NCAPG: variants seen among roughly 807,000 people sequenced by gnomAD.
The protein encoded by NCAPG is non-SMC condensin I complex subunit G.
Under a neutral mutation model 113.1 loss-of-function variants are expected in NCAPG, and 69 were observed. The observed-to-expected ratio is 0.61, with a 90% confidence interval of 0.50 to 0.75. NCAPG has a LOEUF of 0.75. NCAPG is among the 30% of genes least tolerant of loss of function. The pLI is 0.00. For missense variants in NCAPG, 1,058 were observed against 1,177.0 expected (o/e 0.90, Z 1.48); for synonymous variants, 370 against 415.8 (o/e 0.89, Z 1.34).
At chr4:17,837,911 C>A in intron 16 of NCAPG, 110 bp downstream of exon 16, 4 of 1,108,088 alleles carry the variant, frequency 3.6e-6, no homozygotes, top group Non-Finnish European at 2.7e-6. Flanking sequence ...ACTTCTGTCT[C>A]AAGCATATAC....
rs756306789 is a variant in NCAPG at position 17,831,003 on chromosome 4, C to T, written c.1771C>T (p.Pro591Ser). Residue 591 changes from proline (P) to serine (S), a missense_variant, in exon 13 of 21, where the codon CCT becomes TCT. Coordinates refer to ENST00000251496, the MANE Select transcript of NCAPG (RefSeq NM_022346.5). ...AATTTCTGATTCATTTTAGATTCTT[C>T]CTGGAATAATAAGTATTCATCCTGT... ...MNGIIESLIL[P>S]GIISIHPVVR... 6.2e-7 allele frequency: 1 copy of T among 1,610,742 alleles called. No individual in the cohort carries two copies. Among genetic ancestry groups the T allele is most frequent in the Non-Finnish European group, 8.5e-7 (1 of 1,178,302 alleles).
chr4:17,828,176 A>G (rs1410728899), intron 11 of NCAPG, 102 bp from the exon 12 acceptor site: 3 of 658,180 alleles, frequency 4.6e-6, no homozygotes, highest in South Asian at 4.1e-5. Flanking sequence ...TACAGAGTCT[A>G]TATAGAGTGA....
intron 6 of NCAPG, 144 bp downstream of exon 6, chr4:17,817,597 T>A: frequency 1.5e-6 from 1 of 686,198 alleles, no homozygotes. Flanking sequence ...ATGAATATCC[T>A]TTTATCCTTC....
intron 14 of NCAPG, among the ~76,000 whole-genome samples, chr4:17,836,579 G>A (rs1722105133): frequency 6.6e-6 from 1 of 152,048 alleles, no homozygotes; most frequent in Non-Finnish European, 1.5e-5. Flanking sequence ...TTATATTTAG[G>A]CTGTTGATGC....
In NCAPG at chr4:17,843,847, C is replaced by T. The variant is rs59037741; in HGVS notation, c.*422C>T. ...AGGACACATTTAACAAGTAACATTT[C>T]TAGGGAAAATGAAGGAAGTACCACA... On this transcript the variant is annotated 3_prime_UTR_variant, in exon 21 of 21. Transcript: ENST00000251496. 0.018 allele frequency: 2,769 copies of T among 153,360 alleles called. 74 individuals are homozygous for T. Among genetic ancestry groups the T allele is most frequent in the East Asian group, 0.13 (658 of 5,198 alleles). 9.5% of individuals were successfully genotyped at this position (153,360 alleles called of 1,614,324 possible). A position where few individuals can be genotyped will look rare whatever the true frequency, so the allele number is the denominator to read the frequency against.
intron 14 of NCAPG, among the ~76,000 whole-genome samples, chr4:17,836,204 T>G (rs188151114): frequency 6.6e-6 from 1 of 152,342 alleles, no homozygotes; most frequent in Admixed American, 6.5e-5. Context: ...TGCATTTCCT[T>G]AATGACTAGT....
Position 17,837,645 on chromosome 4 carries a change from TGAA to T in NCAPG, c.2315_2317del (p.Glu772del), listed in dbSNP as rs1285414900. 3.7e-6 allele frequency: 6 copies of T among 1,613,730 alleles called. No homozygotes were observed. The highest frequency in any genetic ancestry group is 5.1e-6 in the Non-Finnish European group (6 of 1,179,862). ...TCAATAGGACTAATCAGGAATGCTT[TGAA>T]GAAGCTTTTCTTCCAACCCTGCAAA... On this transcript the variant is annotated inframe_deletion, in exon 16 of 21. Transcript: ENST00000251496.
At chr4:17,836,439 A>G (rs1722095251) in intron 14 of NCAPG, among the ~76,000 whole-genome samples, 2 of 152,116 alleles carry the variant, frequency 1.3e-5, no homozygotes, top group South Asian at 4.1e-4. Flanking sequence ...AACATTTTTA[A>G]TTTTGGAGAT....
chr4:17,826,336 G>A (rs1189927726), intron 11 of NCAPG, among the ~76,000 whole-genome samples: 1 of 152,028 alleles, frequency 6.6e-6, no homozygotes, highest in Non-Finnish European at 1.5e-5. Flanking sequence ...CTCATAAAAA[G>A]AATGCTAAAT....
chr4:17,820,319 C>T (rs942842127), intron 7 of NCAPG, among the ~76,000 whole-genome samples: 15 of 151,794 alleles, frequency 9.9e-5, no homozygotes, highest in African/African-American at 3.4e-4. Context: ...GGAAAATTTT[C>T]GGCTGGGTGC....
Position 17,823,134 on chromosome 4 carries a change from A to G in NCAPG, c.1259+11A>G, listed in dbSNP as rs1269461265. On this transcript the variant is annotated intron_variant, in intron 8 of 20. Coordinates refer to ENST00000251496, the MANE Select transcript of NCAPG (RefSeq NM_022346.5). The stretch of plus-strand genomic sequence containing the variant: ...TGAAGAAGGAGGAAGGTATGTCTAA[A>G]TGTTAACACTCATTCTAATTTGCCC... 1 of 1,600,208 alleles carries G rather than the reference A, an allele frequency of 6.2e-7. No individual in the cohort carries two copies. The highest frequency in any genetic ancestry group is 8.5e-7 in the Non-Finnish European group (1 of 1,174,260).
Position 17,817,921 on chromosome 4 carries a change from T to G in NCAPG, c.969-18T>G. 1 of 1,581,760 alleles carries G rather than the reference T, an allele frequency of 6.3e-7. No individual in the cohort carries two copies. ...AAAAAGATCATGCTTTCTCTCACAC[T>G]CTTTCTTTTAAATGAAGGAAATTGA... On this transcript the variant is annotated intron_variant, in intron 6 of 20. Transcript: ENST00000251496.
In NCAPG at chr4:17,831,089, A is replaced by G; in HGVS notation, c.1857A>G (p.Ala619=). The change falls in exon 13 of 21, where the codon GCA becomes GCG. Residue 619 remains alanine (A), a synonymous_variant. Transcript: ENST00000251496. ...GCCGLQNQDF[A]RKHFVLLLQV... ...GTGGACTACAGAATCAGGATTTTGC[A>G]AGGAAACACTTCGTATTACTATTGC... The G allele has an allele frequency of 6.2e-7, 1 of 1,613,662 alleles. No homozygotes were observed. Among genetic ancestry groups the G allele is most frequent in the Non-Finnish European group, 8.5e-7 (1 of 1,179,836 alleles).
In NCAPG at chr4:17,831,114, C is replaced by A. The variant is rs757781219; in HGVS notation, c.1882C>A (p.Gln628Lys). 4 of 1,612,244 alleles carry A rather than the reference C, an allele frequency of 2.5e-6. 1 individual carries two copies. In the South Asian group the frequency reaches 3.3e-5, roughly 13 times the overall value. The change falls in exon 13 of 21, where the codon CAG (glutamine) becomes AAG (lysine). Residue 628 changes from glutamine to lysine, a missense_variant and splice_region_variant. Coordinates refer to ENST00000251496, the MANE Select transcript of NCAPG (RefSeq NM_022346.5). ...AAGGAAACACTTCGTATTACTATTG[C>A]AGGTAGGATTTATCTTGTGATAAAT... ...FARKHFVLLL[Q>K]VLQIDDVTIK...
At chr4:17,818,628 G>C (rs1194058974) in intron 7 of NCAPG, among the ~76,000 whole-genome samples, 1 of 152,292 alleles carries the variant, frequency 6.6e-6, no homozygotes, top group Non-Finnish European at 1.5e-5. Context: ...TAGCTTGCAA[G>C]CTATATAACA....
chr4:17,824,620 G>A (rs1420608069), intron 9 of NCAPG, among the ~76,000 whole-genome samples: 1 of 152,110 alleles, frequency 6.6e-6, no homozygotes, highest in Non-Finnish European at 1.5e-5. Context: ...CTACAGAGCT[G>A]AACAAGAGAA....
intron 12 of NCAPG, among the ~76,000 whole-genome samples, chr4:17,829,649 G>A (rs1342489022): frequency 2.6e-5 from 4 of 152,116 alleles, no homozygotes; most frequent in African/African-American, 9.7e-5. Flanking sequence ...GATTAGTAGA[G>A]GAATATAAAA....
chr4:17,825,372 C>T lies in NCAPG; in HGVS notation c.1474-10C>T, dbSNP rs377555716. ...TGTTCAGTGTTGAAACAATTTATAT[C>T]TTCCCTTAGATGGCTGAAATAAAAG... On this transcript the variant is annotated splice_polypyrimidine_tract_variant and intron_variant, in intron 10 of 20. Transcript: ENST00000251496. 59 of 1,572,916 alleles carry T rather than the reference C, an allele frequency of 3.8e-5. 1 individual carries two copies. Among genetic ancestry groups the T allele is most frequent in the Admixed American group, 8.4e-5 (4 of 47,538 alleles).
In NCAPG at chr4:17,812,448, G is replaced by C. The variant is rs534833525; in HGVS notation, c.315+24G>C. ...AGGTACTATGAAAATGATAGCTTTG[G>C]GGAGGGATTTTAGAAAATTTTGCCA... On this transcript the variant is annotated intron_variant, in intron 2 of 20. Coordinates refer to ENST00000251496, the MANE Select transcript of NCAPG (RefSeq NM_022346.5). The C allele has an allele frequency of 3.8e-6, 6 of 1,594,748 alleles. No homozygotes were observed. The Admixed American group carries it at 5.2e-5, about 14-fold the overall frequency.
Sources: gnomAD v4.1 joint callset for allele counts (sites outside exome capture counted in the v4.1 genomes callset) on GRCh38, gnomAD v4.1.1 for gene constraint, MANE v1.5 for transcripts, NCBI Gene and HGNC (gene_info 2026-07-23, HGNC 2026-07-21) for gene names.